Variants in ZFAND3 observed in about 807,000 individuals in gnomAD.
ZFAND3 encodes AN1-type zinc finger protein 3.
A neutral mutation model predicts 29.6 loss-of-function variants in ZFAND3; 10 were observed. The ratio of observed to expected loss-of-function variants is 0.34; its 90% CI spans 0.21 to 0.57. ZFAND3 has a LOEUF of 0.57. ZFAND3 is among the 20% of genes least tolerant of loss of function. The probability of loss-of-function intolerance (pLI) is 0.86; values close to 1 mark genes in which losing one functional copy is unlikely to be tolerated. For missense variants in ZFAND3, 230 were observed against 304.5 expected, an observed-to-expected ratio of 0.76 and a Z score of 1.82; for synonymous variants, 128 against 112.6, an observed-to-expected ratio of 1.14 and a Z score of -0.87.
chr6:37,865,383 A>G (rs993832810), intron 1 of ZFAND3, among the ~76,000 whole-genome samples: 1 of 152,242 alleles, frequency 6.6e-6, no homozygotes, highest in East Asian at 1.9e-4. Context: ...TTTTCCGAAT[A>G]TTTTCAATCT....
intron 1 of ZFAND3, among the ~76,000 whole-genome samples, chr6:37,856,905 C>T (rs73419417): frequency 0.067 from 10,135 of 151,522 alleles, 405 homozygotes; most frequent in Non-Finnish European, 0.085. Flanking sequence ...ACATAAACAT[C>T]GCAAAATCTA....
chr6:37,990,392 CT>C (rs1762738822), intron 2 of ZFAND3, among the ~76,000 whole-genome samples: 1 of 152,136 alleles, frequency 6.6e-6, no homozygotes, highest in Non-Finnish European at 1.5e-5. Flanking sequence ...AGGGTATGTA[CT>C]TCCTAGAGCC....
At chr6:37,835,907 A>C (rs1028630489) in intron 1 of ZFAND3, among the ~76,000 whole-genome samples, 5 of 152,226 alleles carry the variant, frequency 3.3e-5, no homozygotes, top group Non-Finnish European at 7.3e-5. Context: ...ACCAGATTTT[A>C]TGTAATCAGT....
intron 5 of ZFAND3, among the ~76,000 whole-genome samples, chr6:38,122,259 C>G (rs1765549601): frequency 6.6e-6 from 1 of 152,206 alleles, no homozygotes; most frequent in Non-Finnish European, 1.5e-5. Flanking sequence ...TACATCCTCT[C>G]ATATACTTTG....
At chr6:38,014,387 C>T (rs1398994280) in intron 2 of ZFAND3, among the ~76,000 whole-genome samples, 3 of 151,660 alleles carry the variant, frequency 2.0e-5, no homozygotes, top group East Asian at 1.9e-4. Context: ...AGTGCCGTGG[C>T]GCGATCTTGG....
chr6:38,140,602 G>C (rs922033823), intron 5 of ZFAND3, among the ~76,000 whole-genome samples: 2 of 152,140 alleles, frequency 1.3e-5, no homozygotes, highest in Non-Finnish European at 2.9e-5. Context: ...TGATCCTCCT[G>C]CCTCAGCCCC....
At chr6:37,848,096 GTCT>G (rs1764215132) in intron 1 of ZFAND3, among the ~76,000 whole-genome samples, 1 of 152,228 alleles carries the variant, frequency 6.6e-6, no homozygotes, top group African/African-American at 2.4e-5. Context: ...GATTGCTGCA[GTCT>G]TCTTTATATT....
At chr6:38,147,320 A>T (rs1247503294) in intron 5 of ZFAND3, among the ~76,000 whole-genome samples, 1 of 152,228 alleles carries the variant, frequency 6.6e-6, no homozygotes, top group Non-Finnish European at 1.5e-5. Flanking sequence ...AACTGACATG[A>T]TTTCATTCTT....
intron 3 of ZFAND3, among the ~76,000 whole-genome samples, chr6:38,075,305 G>A (rs112825323): frequency 6.6e-6 from 1 of 152,088 alleles, no homozygotes; most frequent in Non-Finnish European, 1.5e-5. Context: ...ATGGGAGAAG[G>A]TCAAAATATC....
chr6:38,091,312 C>T (rs554350138), intron 4 of ZFAND3, among the ~76,000 whole-genome samples: 10 of 150,988 alleles, frequency 6.6e-5, no homozygotes, highest in Non-Finnish European at 1.5e-4. Flanking sequence ...TTTTAATAGT[C>T]ATTTATTTTA....
chr6:38,092,709 T>C (rs1400676335), intron 4 of ZFAND3, among the ~76,000 whole-genome samples: 2 of 152,178 alleles, frequency 1.3e-5, no homozygotes, highest in African/African-American at 4.8e-5. Context: ...AAAACTGAGA[T>C]ACAGCTCTGT....
intron 1 of ZFAND3, among the ~76,000 whole-genome samples, chr6:37,840,101 C>T (rs1434133377): frequency 6.6e-6 from 1 of 150,950 alleles, no homozygotes; most frequent in Non-Finnish European, 1.5e-5. Flanking sequence ...AGTTGGTTAT[C>T]TATTTTTTTT....
At chr6:37,876,910 C>T (rs948424950) in intron 1 of ZFAND3, among the ~76,000 whole-genome samples, 1 of 152,100 alleles carries the variant, frequency 6.6e-6, no homozygotes, top group Non-Finnish European at 1.5e-5. Flanking sequence ...CTATTAAATT[C>T]CTTTGCTTTG....
At chr6:37,977,491 G>A (rs1457086756) in intron 2 of ZFAND3, among the ~76,000 whole-genome samples, 15 of 151,842 alleles carry the variant, frequency 9.9e-5, no homozygotes, top group Admixed American at 7.9e-4. Flanking sequence ...TAGTAGAGAC[G>A]GGGGTTTCAC....
At chr6:37,875,555 G>T (rs1764776651) in intron 1 of ZFAND3, among the ~76,000 whole-genome samples, 1 of 151,608 alleles carries the variant, frequency 6.6e-6, no homozygotes, top group Non-Finnish European at 1.5e-5. Context: ...TCTGTTATCA[G>T]CAACTTATGT....
intron 5 of ZFAND3, among the ~76,000 whole-genome samples, chr6:38,138,678 C>A (rs1335744161): frequency 6.6e-6 from 1 of 152,180 alleles, no homozygotes; most frequent in East Asian, 1.9e-4. Flanking sequence ...CTAATAAAGT[C>A]AGTGTGAGGA....
intron 2 of ZFAND3, among the ~76,000 whole-genome samples, chr6:38,028,802 A>G (rs911204038): frequency 2.0e-5 from 3 of 152,186 alleles, no homozygotes; most frequent in African/African-American, 4.8e-5. Context: ...CATTTCCTGT[A>G]TTCTATGTAG....
intron 2 of ZFAND3, among the ~76,000 whole-genome samples, chr6:37,985,499 CCACACACACA>C (rs5875607): frequency 4.9e-4 from 69 of 141,596 alleles, no homozygotes; most frequent in Non-Finnish European, 7.3e-4. Context: ...GCTTGTGGTT[CCACACACACA>C]CACACACACA....
chr6:37,853,837 C>CG (rs1378099387), intron 1 of ZFAND3, among the ~76,000 whole-genome samples: 3 of 151,980 alleles, frequency 2.0e-5, no homozygotes, highest in African/African-American at 7.3e-5. Flanking sequence ...TAAACTATTT[C>CG]GGGGGGAAAA....
Sources: gnomAD v4.1 joint callset for allele counts (sites outside exome capture counted in the v4.1 genomes callset) on GRCh38, gnomAD v4.1.1 for gene constraint, MANE v1.5 for transcripts, NCBI Gene and HGNC (gene_info 2026-07-23, HGNC 2026-07-21) for gene names.